SCMH1: variants seen among roughly 807,000 people sequenced by gnomAD.
SCMH1 encodes the protein polycomb protein SCMH1.
A neutral mutation model predicts 70.8 loss-of-function variants in SCMH1; 37 were observed. The ratio of observed to expected loss-of-function variants is 0.52; its 90% CI spans 0.40 to 0.69. SCMH1 has a LOEUF of 0.69. SCMH1 is among the 30% of genes least tolerant of loss of function. The pLI is 0.00. For synonymous variants in SCMH1, 292 were observed against 307.4 expected (o/e 0.95, Z 0.52); for missense variants, 607 against 827.3 (o/e 0.73, Z 3.27).
intron 8 of SCMH1, among the ~76,000 whole-genome samples, chr1:41,086,139 T>C (rs1661598293): frequency 6.6e-6 from 1 of 152,152 alleles, no homozygotes; most frequent in Admixed American, 6.6e-5. Flanking sequence ...ACGCCCAGCC[T>C]TTCTTTTTAA....
intron 13 of SCMH1, among the ~76,000 whole-genome samples, chr1:41,032,603 T>G (rs1253231029): frequency 6.6e-6 from 1 of 152,160 alleles, no homozygotes; most frequent in Non-Finnish European, 1.5e-5. Context: ...AGGAGTTACA[T>G]GAACCAACTT....
intron 10 of SCMH1, among the ~76,000 whole-genome samples, chr1:41,057,979 AGGTGT>A (rs1031441569): frequency 1.3e-4 from 19 of 151,920 alleles, no homozygotes; most frequent in African/African-American, 4.1e-4. Context: ...AAAATTAGCC[AGGTGT>A]GGTGGCGTGC....
At chr1:41,204,907 T>C (rs1474419860) in intron 1 of SCMH1, among the ~76,000 whole-genome samples, 1 of 152,086 alleles carries the variant, frequency 6.6e-6, no homozygotes, top group Non-Finnish European at 1.5e-5. Flanking sequence ...AATTTAATAG[T>C]AAGGAAAAAA....
At position 41,187,734 on chromosome 1, in the gene SCMH1, G is replaced by A. The variant is rs142786111; in HGVS notation, c.-117-1484C>T. 2.4e-4 allele frequency among the ~76,000 whole-genome samples: 36 copies of A among 151,368 alleles called. No individual in the cohort carries two copies. The East Asian group carries it at 5.1e-3, about 21-fold the overall frequency. On this transcript the variant is annotated intron_variant, in intron 1 of 14. Coordinates refer to ENST00000337495, the Ensembl canonical transcript of SCMH1. ...GGGAATCGCCTGAACTCAAGAGTTC[G>A]AGACCAGCCTGGACAACACAGTGAG...
At chr1:41,147,802 AT>A in intron 5 of SCMH1, among the ~76,000 whole-genome samples, 1 of 152,242 alleles carries the variant, frequency 6.6e-6, no homozygotes. Flanking sequence ...TAATATAGCC[AT>A]TTCAGCTTTA....
chr1:41,070,400 C>T (rs550844615), intron 10 of SCMH1, among the ~76,000 whole-genome samples, 195 bp downstream of exon 10: 2 of 152,258 alleles, frequency 1.3e-5, no homozygotes, highest in Admixed American at 1.3e-4. Flanking sequence ...CATTAGTTCC[C>T]CATCCCTGAG....
At chr1:41,130,399 A>C (rs1674358663) in intron 6 of SCMH1, among the ~76,000 whole-genome samples, 1 of 151,980 alleles carries the variant, frequency 6.6e-6, no homozygotes, top group Non-Finnish European at 1.5e-5. Flanking sequence ...AGTCTAATTT[A>C]TGTATGTTTT....
intron 1 of SCMH1, among the ~76,000 whole-genome samples, chr1:41,200,738 T>C (rs1654161653): frequency 6.6e-6 from 1 of 152,184 alleles, no homozygotes; most frequent in Non-Finnish European, 1.5e-5. Context: ...GGAACAATCC[T>C]GTAGCTCTCC....
intron 8 of SCMH1, among the ~76,000 whole-genome samples, chr1:41,086,966 G>T (rs1340280727): frequency 6.6e-6 from 1 of 151,174 alleles, no homozygotes; most frequent in Non-Finnish European, 1.5e-5. Context: ...TGTGAGAGCT[G>T]AGGGAATTAG....
intron 4 of SCMH1, among the ~76,000 whole-genome samples, chr1:41,154,644 C>A (rs16827938): frequency 0.078 from 11,868 of 152,130 alleles, 598 homozygotes; most frequent in South Asian, 0.13. Context: ...ATAAAGTTTA[C>A]GAGGTAGTAC....
At chr1:41,049,510 G>A (rs1324897843) in intron 10 of SCMH1, among the ~76,000 whole-genome samples, 3 of 151,662 alleles carry the variant, frequency 2.0e-5, no homozygotes, top group South Asian at 2.1e-4. Context: ...GGTGGCTCAC[G>A]CCTGTAATCC....
chr1:41,141,441 T>C (rs1043589991), intron 6 of SCMH1, among the ~76,000 whole-genome samples: 1 of 152,216 alleles, frequency 6.6e-6, no homozygotes, highest in African/African-American at 2.4e-5. Flanking sequence ...TGAGCAGCAA[T>C]GGCTGCTACA....
At chr1:41,047,291 C>G (rs935866432) in intron 11 of SCMH1, among the ~76,000 whole-genome samples, 2 of 151,898 alleles carry the variant, frequency 1.3e-5, no homozygotes, top group Admixed American at 1.3e-4. Flanking sequence ...GTAAAGAAGG[C>G]CAGGTTCCTA....
chr1:41,203,336 G>GT (rs1557814311), intron 1 of SCMH1, among the ~76,000 whole-genome samples: 2 of 151,874 alleles, frequency 1.3e-5, no homozygotes, highest in African/African-American at 4.8e-5. Flanking sequence ...ATTGAGATCC[G>GT]TTTTTAATTT....
chr1:41,052,430 C>G (rs931134436), intron 10 of SCMH1, among the ~76,000 whole-genome samples: 1 of 152,222 alleles, frequency 6.6e-6, no homozygotes, highest in African/African-American at 2.4e-5. Flanking sequence ...TGAGATGGAA[C>G]AGTTTCATCC....
chr1:41,037,432 G>A (rs780882573), exon 13 of SCMH1: 3 of 1,614,238 alleles, frequency 1.9e-6, no homozygotes, highest in Admixed American at 3.3e-5. Context: ...GCAAGGGCCG[G>A]TGCCTTTGGG....
At chr1:41,164,337 T>C (rs558462169) in intron 2 of SCMH1, among the ~76,000 whole-genome samples, 2 of 152,236 alleles carry the variant, frequency 1.3e-5, no homozygotes, top group East Asian at 3.9e-4. Context: ...ATACCACATT[T>C]CTACACTATG....
intron 2 of SCMH1, among the ~76,000 whole-genome samples, chr1:41,162,257 T>A (rs2148436393): frequency 6.6e-6 from 1 of 152,232 alleles, no homozygotes; most frequent in East Asian, 1.9e-4. Context: ...TCCCTGCTGT[T>A]GGCACCTGTT....
chr1:41,168,149 G>A (rs1646538209), intron 2 of SCMH1, among the ~76,000 whole-genome samples: 1 of 151,890 alleles, frequency 6.6e-6, no homozygotes, highest in Admixed American at 6.6e-5. Context: ...CCTGGATTTG[G>A]CTTTCTATCT....
Sources: gnomAD v4.1 joint callset for allele counts (sites outside exome capture counted in the v4.1 genomes callset) on GRCh38, gnomAD v4.1.1 for gene constraint, MANE v1.5 for transcripts, NCBI Gene and HGNC (gene_info 2026-07-23, HGNC 2026-07-21) for gene names.